Variants in OTUD7A observed in about 807,000 individuals in gnomAD.
OTUD7A encodes the protein OTU deubiquitinase 7A.
Under a neutral mutation model 65.7 loss-of-function variants are expected in OTUD7A, and 12 were observed. That is an observed-to-expected ratio of 0.18 (90% CI 0.12 to 0.30). The LOEUF is 0.30. OTUD7A is among the 10% of genes least tolerant of loss of function. The pLI, the probability that OTUD7A is intolerant of heterozygous loss-of-function variation, is 1.00. For synonymous variants in OTUD7A, 641 were observed against 586.3 expected (o/e 1.09, Z -1.35); for missense variants, 1,148 against 1,304.8 (o/e 0.88, Z 1.85).
intron 1 of OTUD7A, among the ~76,000 whole-genome samples, chr15:31,829,824 A>C (rs1484524142): frequency 6.6e-6 from 1 of 152,222 alleles, no homozygotes; most frequent in Non-Finnish European, 1.5e-5. Context: ...TGAGTCTTTT[A>C]CCTGAGACCC....
At chr15:31,857,035 T>A (rs1372962169) in intron 1 of OTUD7A, among the ~76,000 whole-genome samples, 1 of 152,030 alleles carries the variant, frequency 6.6e-6, no homozygotes, top group South Asian at 2.1e-4. Context: ...ACAAGAACAA[T>A]CCTGAAAGGT....
chr15:31,827,515 T>C (rs1302458392), intron 1 of OTUD7A, among the ~76,000 whole-genome samples: 1 of 152,232 alleles, frequency 6.6e-6, no homozygotes, highest in Non-Finnish European at 1.5e-5. Context: ...CTAAACTGTA[T>C]CATTTACCAA....
chr15:31,500,063 C>A lies in OTUD7A; in HGVS notation c.1171+1627G>T, dbSNP rs1489989265. 2.6e-5 allele frequency among the ~76,000 whole-genome samples: 4 copies of A among 152,200 alleles called. No homozygotes were observed. The East Asian group carries it at 7.7e-4, about 29-fold the overall frequency. On this transcript the variant is annotated intron_variant, in intron 10 of 12. Coordinates refer to ENST00000307050, the MANE Select transcript of OTUD7A (RefSeq NM_001382637.1). ...GAACCCCATGCTCGGAACTGGGAGA[C>A]GCTGGCCTTGGGACCATCACCTTCT...
chr15:31,742,499 C>G (rs1000756505), intron 1 of OTUD7A, among the ~76,000 whole-genome samples: 1 of 152,012 alleles, frequency 6.6e-6, no homozygotes, highest in African/African-American at 2.4e-5. Context: ...TTTCTTCTAT[C>G]TGATATACGG....
intron 1 of OTUD7A, among the ~76,000 whole-genome samples, chr15:31,864,539 T>G (rs146028033): frequency 6.6e-6 from 1 of 152,150 alleles, no homozygotes; most frequent in African/African-American, 2.4e-5. Context: ...CTTGTGAGAC[T>G]TATTCACTAT....
chr15:31,592,336 A>G (rs1252730011), intron 3 of OTUD7A, among the ~76,000 whole-genome samples: 1 of 152,192 alleles, frequency 6.6e-6, no homozygotes, highest in Non-Finnish European at 1.5e-5. Context: ...ACAACAGCAC[A>G]AAAATATTTT....
chr15:31,860,341 T>C (rs1009243622), intron 1 of OTUD7A, among the ~76,000 whole-genome samples: 2 of 152,098 alleles, frequency 1.3e-5, no homozygotes, highest in Non-Finnish European at 2.9e-5. Context: ...TATAAGCAAC[T>C]TTCTCAACTG....
At chr15:31,579,224 C>T (rs1485899981) in intron 3 of OTUD7A, among the ~76,000 whole-genome samples, 1 of 152,184 alleles carries the variant, frequency 6.6e-6, no homozygotes, top group East Asian at 1.9e-4. Context: ...GCAGAAAAAG[C>T]AGCAGGCCCA....
chr15:31,574,510 C>T (rs921775071), intron 3 of OTUD7A, among the ~76,000 whole-genome samples: 2 of 151,950 alleles, frequency 1.3e-5, no homozygotes, highest in Admixed American at 1.3e-4. Flanking sequence ...ATCAGGTACA[C>T]AAGACAAAGA....
At chr15:31,841,516 T>C (rs1040070969) in intron 1 of OTUD7A, among the ~76,000 whole-genome samples, 7 of 151,890 alleles carry the variant, frequency 4.6e-5, no homozygotes, top group Admixed American at 2.0e-4. Context: ...ACCCACCGAG[T>C]CAGTGTATCA....
In OTUD7A at chr15:31,559,152, A is replaced by C; in HGVS notation, c.367T>G (p.Ser123Ala). 1 of 1,614,100 alleles carries C rather than the reference A, an allele frequency of 6.2e-7. No individual in the cohort carries two copies. The change falls in exon 5 of 13, where the codon TCA becomes GCA. Residue 123 changes from serine (S) to alanine (A), a missense_variant. Transcript: ENST00000307050. Reference sequence around the variant, plus strand: ...GACCGGGCCAGGGAGACGATGGCTGAGCTGGCGTGGGAAATCCCCCGGGAA... The same window carrying C: ...GACCGGGCCAGGGAGACGATGGCTGCGCTGGCGTGGGAAATCCCCCGGGAA... ...RLSRGISHAS[S>A]AIVSLARSHV...
At chr15:31,826,010 C>T (rs1285929635) in intron 1 of OTUD7A, among the ~76,000 whole-genome samples, 3 of 152,214 alleles carry the variant, frequency 2.0e-5, no homozygotes, top group African/African-American at 7.2e-5. Context: ...TCCCTCCCAG[C>T]TGCTTTTTGG....
At chr15:31,798,505 C>T (rs962552853) in intron 1 of OTUD7A, among the ~76,000 whole-genome samples, 1 of 152,160 alleles carries the variant, frequency 6.6e-6, no homozygotes, top group African/African-American at 2.4e-5. Context: ...AGCTCTGGCA[C>T]TGACGAGTAT....
intron 3 of OTUD7A, among the ~76,000 whole-genome samples, chr15:31,589,487 G>T (rs7162339): frequency 0.31 from 42,645 of 137,724 alleles, 8,590 homozygotes; most frequent in African/African-American, 0.58. Flanking sequence ...TTTTTCTGTA[G>T]AGACGGGGTT....
At chr15:31,651,665 T>C (rs1381824601) in intron 3 of OTUD7A, among the ~76,000 whole-genome samples, 8 of 150,982 alleles carry the variant, frequency 5.3e-5, no homozygotes, top group Non-Finnish European at 1.2e-4. Context: ...GATTGCAGGA[T>C]GCAAGATCAA....
At chr15:31,841,521 G>T (rs1897182902) in intron 1 of OTUD7A, among the ~76,000 whole-genome samples, 2 of 152,166 alleles carry the variant, frequency 1.3e-5, no homozygotes. Context: ...CCGAGTCAGT[G>T]TATCAGGGAC....
chr15:31,542,864 T>C (rs1286361250), intron 5 of OTUD7A, among the ~76,000 whole-genome samples: 6 of 149,626 alleles, frequency 4.0e-5, no homozygotes, highest in Non-Finnish European at 8.9e-5. Flanking sequence ...TGAAAATAAC[T>C]GGCAATCTAT....
chr15:31,556,247 C>T (rs1398041300), intron 5 of OTUD7A: 3 of 152,250 alleles, frequency 2.0e-5, no homozygotes, highest in African/African-American at 4.8e-5. Flanking sequence ...ACCACAAGCA[C>T]CTTTGACCAC....
chr15:31,777,005 T>C (rs1895399535), intron 1 of OTUD7A, among the ~76,000 whole-genome samples: 1 of 152,130 alleles, frequency 6.6e-6, no homozygotes, highest in Non-Finnish European at 1.5e-5. Context: ...GAGCATTTTG[T>C]TACAAGGCCA....
Sources: allele counts gnomAD v4.1 joint callset (sites outside exome capture counted in the v4.1 genomes callset), GRCh38; gene constraint gnomAD v4.1.1; transcripts MANE v1.5; gene names NCBI Gene and HGNC (gene_info 2026-07-23, HGNC 2026-07-21).